Variants in PTPRA observed in about 807,000 individuals in gnomAD.
PTPRA encodes the protein protein tyrosine phosphatase receptor type A.
Under a neutral mutation model 104.8 loss-of-function variants are expected in PTPRA, and 25 were observed. That is an observed-to-expected ratio of 0.24 (90% CI 0.17 to 0.33). The LOEUF is 0.33. PTPRA is among the 10% of genes least tolerant of loss of function. The pLI is 1.00. For missense variants in PTPRA, 765 were observed against 1,015.3 expected (o/e 0.75, Z 3.35); for synonymous variants, 323 against 368.9 (o/e 0.88, Z 1.43).
intron 6 of PTPRA, among the ~76,000 whole-genome samples, chr20:2,978,495 A>G (rs916769452): frequency 1.3e-5 from 2 of 152,182 alleles, no homozygotes; most frequent in Admixed American, 6.5e-5. Context: ...TTTACTGACT[A>G]GTTTGTAGTT....
Position 3,035,889 on chromosome 20 carries a change from G to A in PTPRA, c.2146G>A (p.Val716Met), listed in dbSNP as rs148576102. The change falls in exon 22 of 24, where the codon GTG becomes ATG. Residue 716 changes from valine (V) to methionine (M), a missense_variant. Val to Met is a conservative substitution (Grantham distance 21). Around this residue, in one of 4 missense-constraint regions of PTPRA, gnomAD observed 72 missense variants for 140.7 expected, o/e 0.51. Transcript: ENST00000399903. The surrounding 1 kb of genome is among the most constrained non-coding windows in gnomAD (Gnocchi z 5.8). ...GKGMISIIAA[V>M]QKQQQQSGNH... ...GGGCATGATCAGCATCATCGCCGCC[G>A]TGCAGAAGCAGCAGCAGCAGTCAGG... The A allele has an allele frequency of 2.0e-4, 316 of 1,614,066 alleles. No homozygotes were observed. Among genetic ancestry groups the A allele is most frequent in the Non-Finnish European group, 1.7e-4 (198 of 1,180,036 alleles).
intron 1 of PTPRA, among the ~76,000 whole-genome samples, chr20:2,922,725 C>T (rs1434387513): frequency 6.6e-6 from 1 of 151,784 alleles, no homozygotes; most frequent in African/African-American, 2.4e-5. Context: ...GCAGCCTCTG[C>T]CTCCCGGGTT....
At chr20:2,890,007 C>A (rs893132647) in intron 1 of PTPRA, among the ~76,000 whole-genome samples, 1 of 152,114 alleles carries the variant, frequency 6.6e-6, no homozygotes, top group South Asian at 2.1e-4. Flanking sequence ...CCTCAGCCTC[C>A]TGAGTAAGTA....
At chr20:2,916,911 G>A (rs938849698) in intron 1 of PTPRA, among the ~76,000 whole-genome samples, 7 of 151,584 alleles carry the variant, frequency 4.6e-5, no homozygotes, top group Non-Finnish European at 7.4e-5. Flanking sequence ...TTGGCCATTC[G>A]GAGTCCCTTG....
upstream of PTPRA, among the ~76,000 whole-genome samples, chr20:2,868,833 T>A (rs1307062320): frequency 1.3e-5 from 2 of 151,926 alleles, no homozygotes; most frequent in Non-Finnish European, 2.9e-5. Context: ...AACCCACATC[T>A]CCAAAGTAAC....
In PTPRA at chr20:3,022,280, G is replaced by A; in HGVS notation, c.1328+60G>A. ...ACATTTCGCCCCCATGGCCAGAGCA[G>A]GGGAACAGCACAAGGGCCCTGGCTG... is the stretch of plus-strand genomic sequence containing the variant. On this transcript the variant is annotated intron_variant, in intron 15 of 23. Coordinates refer to ENST00000399903, the MANE Select transcript of PTPRA (RefSeq NM_001385305.1). The surrounding 1 kb of genome is among the most constrained non-coding windows in gnomAD (Gnocchi z 4.6). The A allele has an allele frequency of 1.9e-6, 3 of 1,582,062 alleles. No homozygotes were observed. In the South Asian group the frequency reaches 3.4e-5, roughly 18 times the overall value.
the PTPRA span, among the ~76,000 whole-genome samples, chr20:2,867,876 T>G: frequency 8.5e-5 from 13 of 152,326 alleles, no homozygotes; most frequent in South Asian, 2.7e-3. Flanking sequence ...AATGAAAGTT[T>G]GTGAAAGTCC....
intron 9 of PTPRA, among the ~76,000 whole-genome samples, chr20:2,997,421 A>C (rs934882721): frequency 6.6e-6 from 1 of 152,242 alleles, no homozygotes; most frequent in Non-Finnish European, 1.5e-5. Context: ...TATAACATCT[A>C]GAATAAAGAA....
chr20:2,940,899 TA>T (rs1471165471), intron 2 of PTPRA, among the ~76,000 whole-genome samples: 1 of 152,210 alleles, frequency 6.6e-6, no homozygotes, highest in East Asian at 1.9e-4. Context: ...TGTCCTGCTT[TA>T]GTGATACTGA....
chr20:2,883,937 C>A (rs2090221058), intron 1 of PTPRA, among the ~76,000 whole-genome samples: 1 of 152,160 alleles, frequency 6.6e-6, no homozygotes, highest in East Asian at 1.9e-4. Context: ...TACTAATCTT[C>A]CTGTTTCTTT....
At chr20:2,876,627 A>G (rs940500846) in intron 1 of PTPRA, among the ~76,000 whole-genome samples, 11 of 152,248 alleles carry the variant, frequency 7.2e-5, no homozygotes, top group Non-Finnish European at 1.2e-4. Flanking sequence ...TCTTACAGCA[A>G]TGAATGTCCT....
At chr20:2,999,822 T>C (rs2063552670) in intron 9 of PTPRA, among the ~76,000 whole-genome samples, 3 of 152,094 alleles carry the variant, frequency 2.0e-5, no homozygotes, top group Admixed American at 1.3e-4. Context: ...AGACTTAAAA[T>C]GTTGATAAAA....
chr20:2,980,699 T>C (rs1325152430), intron 6 of PTPRA, among the ~76,000 whole-genome samples: 1 of 152,066 alleles, frequency 6.6e-6, no homozygotes, highest in Non-Finnish European at 1.5e-5. Flanking sequence ...CTACAAAAAA[T>C]TTAAGAAAAA....
chr20:3,027,276 C>G, intron 19 of PTPRA, 79 bp downstream of exon 19: 1 of 1,376,382 alleles, frequency 7.3e-7, no homozygotes, highest in Non-Finnish European at 1.0e-6. Context: ...CCCTCCCATA[C>G]CTGCTGGGGA....
In PTPRA at chr20:3,038,459, G is replaced by C. The variant is rs551350514; in HGVS notation, c.*326G>C. The C allele has an allele frequency of 3.8e-6, 1 of 261,700 alleles. No homozygotes were observed. The highest frequency in any genetic ancestry group is 7.4e-6 in the Non-Finnish European group (1 of 135,424). The allele number at this position is 261,700 out of a possible 1,614,324, so 16.2% of individuals were successfully genotyped here. Reference sequence around the variant, plus strand: ...ACACAAAATCCATTCCAGGTAGCTCGGCACCAACTAAGAAAAAAAGCACAA... The same window carrying C: ...ACACAAAATCCATTCCAGGTAGCTCCGCACCAACTAAGAAAAAAAGCACAA... On this transcript the variant is annotated 3_prime_UTR_variant, in exon 24 of 24. Transcript: ENST00000399903.
chr20:2,876,636 C>T (rs138019319), intron 1 of PTPRA, among the ~76,000 whole-genome samples: 1 of 152,272 alleles, frequency 6.6e-6, no homozygotes, highest in East Asian at 1.9e-4. Context: ...AATGAATGTC[C>T]TTGTACATAC....
chr20:2,889,286 A>G (rs1348514578), intron 1 of PTPRA, among the ~76,000 whole-genome samples: 4 of 152,204 alleles, frequency 2.6e-5, no homozygotes, highest in African/African-American at 7.2e-5. Flanking sequence ...GTTAATATAA[A>G]TTTAACAGAT....
chr20:3,004,048 C>CAAAATTG, intron 9 of PTPRA, among the ~76,000 whole-genome samples: 1 of 152,182 alleles, frequency 6.6e-6, no homozygotes, highest in East Asian at 1.9e-4. Context: ...GACGGAGTCT[C>CAAAATTG]GCTCTGTCGC....
chr20:2,986,127 G>A (rs562498487), intron 6 of PTPRA, among the ~76,000 whole-genome samples: 5 of 151,984 alleles, frequency 3.3e-5, no homozygotes, highest in South Asian at 4.2e-4. Context: ...GGCTGGTCTC[G>A]AATACCTTGG....
Sources: allele counts gnomAD v4.1 joint callset (sites outside exome capture counted in the v4.1 genomes callset), GRCh38; gene constraint gnomAD v4.1.1; regional missense constraint gnomAD v4.1.1; non-coding constraint Gnocchi (gnomAD v3.1); transcripts MANE v1.5; gene names NCBI Gene and HGNC (gene_info 2026-07-23, HGNC 2026-07-21).